Variants in DLG2 observed in about 807,000 individuals in gnomAD.
DLG2 encodes the protein discs large MAGUK scaffold protein 2.
In DLG2, 45 loss-of-function variants were observed where a neutral mutation model predicts 132.5. The observed-to-expected ratio is 0.34, with a 90% CI of 0.27 to 0.44. The LOEUF (loss-of-function observed/expected upper bound fraction) is 0.44, where lower values mean the gene tolerates loss of function less well. DLG2 is among the 20% of genes least tolerant of loss of function. DLG2 has a pLI of 1.00. For missense variants in DLG2, 1,045 were observed against 1,196.9 expected, an observed-to-expected ratio of 0.87 and a Z score of 1.87; for synonymous variants, 424 against 419.6, an observed-to-expected ratio of 1.01 and a Z score of -0.13.
intron 8 of DLG2, among the ~76,000 whole-genome samples, chr11:84,205,834 G>A (rs1002196462): frequency 3.3e-5 from 5 of 152,000 alleles, no homozygotes. Flanking sequence ...AGAAAATAAT[G>A]AAGGACAGAA....
chr11:83,974,426 A>G (rs920287770), intron 12 of DLG2, among the ~76,000 whole-genome samples: 2 of 149,380 alleles, frequency 1.3e-5, no homozygotes, highest in African/African-American at 4.9e-5. Flanking sequence ...CACATAGCAC[A>G]TCCTGAGTAT....
At chr11:83,665,806 G>A (rs1191369801) in intron 18 of DLG2, among the ~76,000 whole-genome samples, 4 of 151,526 alleles carry the variant, frequency 2.6e-5, no homozygotes, top group African/African-American at 4.8e-5. Flanking sequence ...TTTTTTTTTA[G>A]AGAACGGGGA....
At chr11:84,679,710 C>T (rs894447729) in intron 6 of DLG2, among the ~76,000 whole-genome samples, 3 of 152,114 alleles carry the variant, frequency 2.0e-5, no homozygotes, top group Non-Finnish European at 4.4e-5. Flanking sequence ...TTAGTCTTCA[C>T]ACTTCGTCTA....
chr11:84,892,857 C>T (rs1244990871), intron 6 of DLG2, among the ~76,000 whole-genome samples: 9 of 152,000 alleles, frequency 5.9e-5, no homozygotes, highest in Non-Finnish European at 2.9e-5. Context: ...CTAGCAACTT[C>T]CTCACTCTAT....
chr11:84,512,415 G>T (rs1376649270), intron 7 of DLG2, among the ~76,000 whole-genome samples: 1 of 152,070 alleles, frequency 6.6e-6, no homozygotes. Context: ...GAAATTAAAG[G>T]CTACTATAAC....
intron 17 of DLG2, among the ~76,000 whole-genome samples, chr11:83,810,962 C>A (rs2047108254): frequency 6.6e-6 from 1 of 151,990 alleles, no homozygotes; most frequent in South Asian, 2.1e-4. Flanking sequence ...TCAATATGTA[C>A]CCATAACTCC....
At chr11:84,947,236 G>A (rs1003687704) in intron 6 of DLG2, among the ~76,000 whole-genome samples, 1 of 152,142 alleles carries the variant, frequency 6.6e-6, no homozygotes, top group African/African-American at 2.4e-5. Context: ...TTCTTGTGTG[G>A]ATAGTTGGTC....
intron 4 of DLG2, among the ~76,000 whole-genome samples, chr11:85,177,286 T>C (rs573672552): frequency 1.1e-3 from 151 of 136,474 alleles, no homozygotes; most frequent in Non-Finnish European, 1.3e-3. Context: ...TATATACATA[T>C]ACACACACAC....
At chr11:85,064,487 A>G (rs902297673) in intron 6 of DLG2, among the ~76,000 whole-genome samples, 3 of 151,760 alleles carry the variant, frequency 2.0e-5, no homozygotes, top group Non-Finnish European at 4.4e-5. Context: ...CTCGCCACTT[A>G]CATATAAACA....
At chr11:85,296,464 TTTC>T (rs1175074846) in intron 3 of DLG2, among the ~76,000 whole-genome samples, 1 of 117,244 alleles carries the variant, frequency 8.5e-6, no homozygotes, top group African/African-American at 3.3e-5. Context: ...TTGTTTCGAT[TTTC>T]TTTTTTTTTT....
At chr11:85,488,054 G>C (rs541652474) in intron 3 of DLG2, among the ~76,000 whole-genome samples, 9 of 152,258 alleles carry the variant, frequency 5.9e-5, no homozygotes, top group African/African-American at 2.2e-4. Context: ...AGGGATTTTT[G>C]CTTTTGCATC....
chr11:84,446,358 C>G (rs534452213), intron 7 of DLG2, among the ~76,000 whole-genome samples: 3 of 152,126 alleles, frequency 2.0e-5, no homozygotes, highest in South Asian at 2.1e-4. Flanking sequence ...TTTTCCTGAA[C>G]GTCTAATCTC....
intron 6 of DLG2, among the ~76,000 whole-genome samples, chr11:84,900,000 C>G (rs980433682): frequency 6.6e-6 from 1 of 151,928 alleles, no homozygotes. Flanking sequence ...GACTTAATTC[C>G]TTGGGAATTA....
At chr11:85,041,419 T>C (rs1390979666) in intron 6 of DLG2, among the ~76,000 whole-genome samples, 1 of 151,952 alleles carries the variant, frequency 6.6e-6, no homozygotes, top group Non-Finnish European at 1.5e-5. Context: ...GTACTTTGAC[T>C]CTTAACCTTA....
At chr11:84,586,586 G>A (rs1255369814) in intron 6 of DLG2, among the ~76,000 whole-genome samples, 2 of 151,954 alleles carry the variant, frequency 1.3e-5, no homozygotes, top group South Asian at 2.1e-4. Context: ...CTTTTAACTG[G>A]CAAGTTTAAT....
intron 6 of DLG2, among the ~76,000 whole-genome samples, chr11:84,725,835 C>G (rs2062382287): frequency 1.3e-5 from 2 of 151,530 alleles, no homozygotes; most frequent in South Asian, 4.2e-4. Flanking sequence ...CTTTGTGTCA[C>G]TTGTCTGATT....
chr11:84,902,967 A>G (rs1297849722), intron 6 of DLG2, among the ~76,000 whole-genome samples: 1 of 152,026 alleles, frequency 6.6e-6, no homozygotes. Context: ...TCCTTTCCCA[A>G]GTTATTTTCA....
chr11:83,760,512 G>A (rs757865015), intron 18 of DLG2, among the ~76,000 whole-genome samples: 4 of 149,244 alleles, frequency 2.7e-5, no homozygotes, highest in East Asian at 2.0e-4. Flanking sequence ...CTGCCACCAC[G>A]CCCGGCTAAT....
intron 6 of DLG2, among the ~76,000 whole-genome samples, chr11:84,792,472 T>G (rs1448135142): frequency 1.3e-5 from 2 of 151,850 alleles, no homozygotes; most frequent in African/African-American, 4.8e-5. Context: ...TTTCTCTTCT[T>G]TTTTTTTGGA....
Sources: allele counts gnomAD v4.1 joint callset (sites outside exome capture counted in the v4.1 genomes callset), GRCh38; gene constraint gnomAD v4.1.1; transcripts MANE v1.5; gene names NCBI Gene and HGNC (gene_info 2026-07-23, HGNC 2026-07-21).